The following PTPDC1 variants were observed in gnomAD, a reference collection of about 807,000 sequenced individuals.
PTPDC1 encodes protein tyrosine phosphatase domain containing 1.
Under a neutral mutation model 75.3 loss-of-function variants are expected in PTPDC1, and 53 were observed. The ratio of observed to expected loss-of-function variants is 0.70; its 90% confidence interval spans 0.56 to 0.88. The LOEUF (loss-of-function observed/expected upper bound fraction) is 0.88. Among genes scored for constraint, PTPDC1 ranks in the 40% least tolerant of loss-of-function variants. The probability of loss-of-function intolerance (pLI) is 0.00; values close to 1 mark genes in which losing one functional copy is unlikely to be tolerated. For synonymous variants in PTPDC1, 349 were observed against 366.2 expected (o/e 0.95, Z 0.54); for missense variants, 925 against 998.6 (o/e 0.93, Z 0.99).
At chr9:94,077,250 G>T (rs1826727003) in intron 2 of PTPDC1, among the ~76,000 whole-genome samples, 1 of 152,188 alleles carries the variant, frequency 6.6e-6, no homozygotes, top group Non-Finnish European at 1.5e-5. Flanking sequence ...GATGTGCGGG[G>T]TTTTTTCCAC....
intron 1 of PTPDC1, among the ~76,000 whole-genome samples, chr9:94,053,113 T>C (rs1006572021): frequency 2.0e-5 from 3 of 152,190 alleles, no homozygotes. Flanking sequence ...TGCTGAAGTG[T>C]TGTTTTTCCC....
chr9:94,098,931 A>C (rs958280509), intron 6 of PTPDC1, among the ~76,000 whole-genome samples: 3 of 152,248 alleles, frequency 2.0e-5, no homozygotes, highest in Non-Finnish European at 2.9e-5. Flanking sequence ...GAGGCCTGGC[A>C]GAGGGAATCA....
At chr9:94,064,835 A>G (rs1323679305) in intron 2 of PTPDC1, 2 of 1,593,490 alleles carry the variant, frequency 1.3e-6, no homozygotes, top group Non-Finnish European at 1.7e-6. Context: ...ATGTCTCTTT[A>G]ATACACTTTT....
At chr9:94,056,659 T>A (rs887467745) in intron 1 of PTPDC1, among the ~76,000 whole-genome samples, 1 of 152,202 alleles carries the variant, frequency 6.6e-6, no homozygotes, top group Non-Finnish European at 1.5e-5. Context: ...GAACACCATG[T>A]GTCTGAGAAA....
At chr9:94,073,442 A>T (rs1419477080) in intron 2 of PTPDC1, among the ~76,000 whole-genome samples, 1 of 151,796 alleles carries the variant, frequency 6.6e-6, no homozygotes, top group East Asian at 1.9e-4. Context: ...ATCTGTAGTG[A>T]TAGCTGTGTT....
chr9:94,043,063 A>T (rs893009125), intron 1 of PTPDC1, among the ~76,000 whole-genome samples: 5 of 152,164 alleles, frequency 3.3e-5, no homozygotes, highest in Non-Finnish European at 7.4e-5. Flanking sequence ...ACATGTACAG[A>T]TACTTCCTCC....
intron 2 of PTPDC1, among the ~76,000 whole-genome samples, chr9:94,085,754 G>C (rs1389790345): frequency 6.6e-6 from 1 of 152,114 alleles, no homozygotes. Context: ...CTATAAATTT[G>C]AGAAAATTAT....
At chr9:94,060,402 G>C (rs1826090841) in intron 1 of PTPDC1, among the ~76,000 whole-genome samples, 1 of 152,184 alleles carries the variant, frequency 6.6e-6, no homozygotes, top group East Asian at 1.9e-4. Flanking sequence ...GTTTCTGAAG[G>C]ATTAGTTAGA....
At chr9:94,038,175 A>G (rs1825327990) in intron 1 of PTPDC1, 3 of 696,362 alleles carry the variant, frequency 4.3e-6, no homozygotes, top group Non-Finnish European at 7.9e-6. Flanking sequence ...GGATTCTCTT[A>G]CACAGACGCC....
intron 4 of PTPDC1, among the ~76,000 whole-genome samples, chr9:94,092,691 G>T (rs2118023789): frequency 6.8e-6 from 1 of 147,408 alleles, no homozygotes; most frequent in South Asian, 2.2e-4. Flanking sequence ...GGGTGTTAAA[G>T]TCTCCCATTA....
chr9:94,041,627 ATTAT>A (rs1314189618), intron 1 of PTPDC1, among the ~76,000 whole-genome samples: 1 of 152,272 alleles, frequency 6.6e-6, no homozygotes, highest in East Asian at 1.9e-4. Context: ...TTAATACTGC[ATTAT>A]TTATTTTGTT....
At chr9:94,052,009 A>G (rs751803994) in intron 1 of PTPDC1, among the ~76,000 whole-genome samples, 1 of 152,078 alleles carries the variant, frequency 6.6e-6, no homozygotes, top group African/African-American at 2.4e-5. Context: ...GTTTCTCTCT[A>G]AACATTACTT....
chr9:94,051,027 A>G (rs925042842), intron 1 of PTPDC1, among the ~76,000 whole-genome samples: 4 of 152,134 alleles, frequency 2.6e-5, no homozygotes, highest in Admixed American at 2.6e-4. Context: ...GCGGGATATA[A>G]TCTCCTGGTG....
At chr9:94,053,886 A>T (rs1178086534) in intron 1 of PTPDC1, among the ~76,000 whole-genome samples, 1 of 152,250 alleles carries the variant, frequency 6.6e-6, no homozygotes, top group Non-Finnish European at 1.5e-5. Context: ...TAACCCTGAG[A>T]TGCGTAAGGC....
intron 1 of PTPDC1, among the ~76,000 whole-genome samples, chr9:94,056,336 G>A (rs1298629011): frequency 6.7e-6 from 1 of 148,342 alleles, no homozygotes; most frequent in African/African-American, 2.5e-5. Flanking sequence ...TGCTACGTAA[G>A]CTTAAGTTTT....
chr9:94,098,296 C>G lies in PTPDC1; in HGVS notation c.1730C>G (p.Ser577Cys), dbSNP rs767706087. The G allele has an allele frequency of 6.2e-7, 1 of 1,614,208 alleles. No individual in the cohort carries two copies. The highest frequency in any genetic ancestry group is 2.2e-5 in the East Asian group (1 of 44,878). ...KDPNPAHQQV[S>C]HCQCKTHGVG... ...CCAAACCCTGCTCACCAGCAAGTGT[C>G]TCACTGTCAGTGTAAAACTCATGGT... Residue 577 changes from serine to cysteine, a missense_variant, in exon 6 of 9, where the codon TCT (serine) becomes TGT (cysteine). Transcript: ENST00000620992.
chr9:94,074,097 T>G (rs1564021387), intron 2 of PTPDC1, among the ~76,000 whole-genome samples: 1 of 152,210 alleles, frequency 6.6e-6, no homozygotes, highest in African/African-American at 2.4e-5. Context: ...TTTTCCTCAT[T>G]CTTGGTATGA....
intron 1 of PTPDC1, chr9:94,064,709 C>CA: frequency 6.3e-7 from 1 of 1,582,352 alleles, no homozygotes; most frequent in South Asian, 1.1e-5. Flanking sequence ...GGCAAACTTT[C>CA]AAAAAATAAT....
At chr9:94,069,131 G>T (rs1201481833) in intron 2 of PTPDC1, among the ~76,000 whole-genome samples, 1 of 152,008 alleles carries the variant, frequency 6.6e-6, no homozygotes, top group Non-Finnish European at 1.5e-5. Context: ...ACCAAGATCT[G>T]GTATGCTCAC....
Sources: gnomAD v4.1 joint callset for allele counts (sites outside exome capture counted in the v4.1 genomes callset) on GRCh38, gnomAD v4.1.1 for gene constraint, MANE v1.5 for transcripts, NCBI Gene and HGNC (gene_info 2026-07-23, HGNC 2026-07-21) for gene names.